The following NUMA1 variants were observed in gnomAD, a reference collection of about 807,000 sequenced individuals.
NUMA1 encodes the protein nuclear mitotic apparatus protein 1.
In NUMA1, 62 loss-of-function variants were observed where a neutral mutation model predicts 237.1. That is an observed-to-expected ratio of 0.26 (90% CI 0.21 to 0.32). The LOEUF (loss-of-function observed/expected upper bound fraction) is 0.32, where lower values mean the gene tolerates loss of function less well. Ranked by LOEUF, NUMA1 falls within the 10% of genes least tolerant of loss-of-function variation. The probability of loss-of-function intolerance (pLI) is 1.00; values close to 1 mark genes in which losing one functional copy is unlikely to be tolerated. For synonymous variants in NUMA1, 1,028 were observed against 1,066.1 expected (o/e 0.96, Z 0.70); for missense variants, 2,533 against 2,666.5 (o/e 0.95, Z 1.10).
In NUMA1 at chr11:72,023,057, A is replaced by G. The variant is rs1939106807; in HGVS notation, c.291+8T>C. ...CCCTGCCTCCCCAGTCTGGTATTCC[A>G]TAGGTACCTTCGCCAGTTCCAGCTC... On this transcript the variant is annotated splice_region_variant and intron_variant, in intron 6 of 26. Coordinates refer to ENST00000393695, the MANE Select transcript of NUMA1 (RefSeq NM_006185.4). 1.9e-6 allele frequency: 3 copies of G among 1,609,972 alleles called. No individual in the cohort carries two copies. Among genetic ancestry groups the G allele is most frequent in the African/African-American group, 2.7e-5 (2 of 74,968 alleles).
At chr11:72,008,584 C>CT in intron 20 of NUMA1, 104 bp downstream of exon 20, 1 of 1,309,826 alleles carries the variant, frequency 7.6e-7, no homozygotes, top group South Asian at 1.2e-5. Context: ...TTATTCTTCT[C>CT]TAAGAATAAA....
intron 17 of NUMA1, among the ~76,000 whole-genome samples, chr11:72,009,682 C>T (rs1233455902): frequency 6.6e-6 from 1 of 151,644 alleles, no homozygotes; most frequent in Non-Finnish European, 1.5e-5. Flanking sequence ...CACAATCTCC[C>T]GTAGGAGGAA....
intron 5 of NUMA1, 92 bp downstream of exon 5, chr11:72,024,182 C>T (rs1483876984): frequency 4.3e-6 from 5 of 1,156,154 alleles, no homozygotes; most frequent in Admixed American, 1.9e-5. Context: ...AATTTTTCTC[C>T]TCCAGACACC....
intron 3 of NUMA1, among the ~76,000 whole-genome samples, chr11:72,033,438 C>G (rs2071129972): frequency 6.6e-6 from 1 of 150,628 alleles, no homozygotes; most frequent in Non-Finnish European, 1.5e-5. Context: ...GTGGCACGAT[C>G]ACAGCTCACT....
chr11:72,029,337 G>GGTTT (rs1477220354), intron 3 of NUMA1, 47 bp from the exon 4 acceptor site: 1 of 853,924 alleles, frequency 1.2e-6, no homozygotes, highest in Admixed American at 2.5e-5. Context: ...GAAGCAACAT[G>GGTTT]GTTTGCTCCT....
chr11:72,068,633 A>C (rs552557768), intron 2 of NUMA1: 2 of 152,294 alleles, frequency 1.3e-5, no homozygotes, highest in African/African-American at 4.8e-5. Context: ...AAAAAAAAAG[A>C]AAAGAAAGGC....
At chr11:72,029,332 A>AAC (rs10664166) in intron 3 of NUMA1, 42 bp from the exon 4 acceptor site, 1,187,517 of 1,296,664 alleles carry the variant, frequency 0.92, 547,157 homozygotes, top group Non-Finnish European at 0.95. Context: ...CGTTAGAAGC[A>AAC]ACATGGTTTG....
chr11:72,017,457 G>A, intron 13 of NUMA1: 1 of 565,604 alleles, frequency 1.8e-6, no homozygotes, highest in Non-Finnish European at 3.2e-6. Context: ...AGCAGAGATA[G>A]GATTGAAAGG....
chr11:72,049,935 G>C (rs563680985), intron 2 of NUMA1, among the ~76,000 whole-genome samples: 60 of 152,036 alleles, frequency 3.9e-4, no homozygotes, highest in African/African-American at 1.3e-3. Flanking sequence ...TCAGAATCTG[G>C]TCAAAACATC....
intron 2 of NUMA1, chr11:72,041,096 T>A (rs575608037): frequency 6.6e-6 from 1 of 152,212 alleles, no homozygotes; most frequent in Admixed American, 6.5e-5. Context: ...CTTCTCAGTC[T>A]GCCTGGCAGG....
At chr11:72,053,906 A>G (rs918810325) in intron 2 of NUMA1, among the ~76,000 whole-genome samples, 39 of 152,212 alleles carry the variant, frequency 2.6e-4, no homozygotes, top group African/African-American at 8.9e-4. Context: ...CATAGTATTT[A>G]CATTGCATTA....
At chr11:72,066,036 T>TAATCC (rs1943180748) in intron 2 of NUMA1, 1 of 152,412 alleles carries the variant, frequency 6.6e-6, no homozygotes, top group Non-Finnish European at 1.5e-5. Flanking sequence ...CCGGGCGTGG[T>TAATCC]GGCTCATGCC....
At chr11:72,008,554 G>A in intron 20 of NUMA1, 134 bp downstream of exon 20, 1 of 1,003,984 alleles carries the variant, frequency 1.0e-6, no homozygotes, top group East Asian at 2.6e-5. Context: ...ATAGATATCT[G>A]GTATAATACC....
intron 1 of NUMA1, among the ~76,000 whole-genome samples, chr11:72,075,767 A>C (rs530149355): frequency 4.6e-5 from 7 of 152,294 alleles, no homozygotes; most frequent in African/African-American, 1.2e-4. Flanking sequence ...TGCTGATTGG[A>C]TCTGAACTGA....
intron 1 of NUMA1, among the ~76,000 whole-genome samples, chr11:72,073,282 G>A (rs1943549541): frequency 6.6e-6 from 1 of 150,656 alleles, no homozygotes; most frequent in African/African-American, 2.5e-5. Flanking sequence ...ACTCCAGCCT[G>A]GGTGACAGAG....
intron 2 of NUMA1, chr11:72,049,583 A>T (rs1316289515): frequency 4.4e-5 from 1 of 22,556 alleles, no homozygotes; most frequent in Admixed American, 3.0e-4. Context: ...ATATATATAT[A>T]GTGTGTGTGT....
chr11:72,003,675 G>T, intron 26 of NUMA1, 137 bp from the exon 27 acceptor site: 1 of 1,200,150 alleles, frequency 8.3e-7, no homozygotes. Flanking sequence ...ATCAGTTGCT[G>T]GCTGTGCCTG....
chr11:72,035,661 T>A (rs1011880939), intron 3 of NUMA1, among the ~76,000 whole-genome samples: 2 of 152,130 alleles, frequency 1.3e-5, no homozygotes, highest in Admixed American at 1.3e-4. Context: ...TCCACCTGCC[T>A]CGGCCTCCCA....
At chr11:72,003,694 TG>T (rs1955430893) in intron 26 of NUMA1, 156 bp from the exon 27 acceptor site, 1 of 1,060,168 alleles carries the variant, frequency 9.4e-7, no homozygotes, top group Non-Finnish European at 1.4e-6. Context: ...TGAGCAGCTC[TG>T]GGTGCTCTCC....
Sources: gnomAD v4.1 joint callset for allele counts (sites outside exome capture counted in the v4.1 genomes callset) on GRCh38, gnomAD v4.1.1 for gene constraint, MANE v1.5 for transcripts, NCBI Gene and HGNC (gene_info 2026-07-23, HGNC 2026-07-21) for gene names.